PTPRD: variants seen among roughly 807,000 people sequenced by gnomAD.
PTPRD encodes the protein receptor-type tyrosine-protein phosphatase delta.
A neutral mutation model predicts 214.5 loss-of-function variants in PTPRD; 34 were observed. The ratio of observed to expected loss-of-function variants is 0.16; its 90% confidence interval spans 0.12 to 0.21. The LOEUF (loss-of-function observed/expected upper bound fraction) is 0.21, where lower values mean the gene tolerates loss of function less well. PTPRD is among the 10% of genes least tolerant of loss of function. The pLI, the probability that PTPRD is intolerant of heterozygous loss-of-function variation, is 1.00. For synonymous variants in PTPRD, 1,128 were observed against 845.7 expected (o/e 1.33, Z -5.79); for missense variants, 2,545 against 2,398.7 (o/e 1.06, Z -1.27).
intron 14 of PTPRD, among the ~76,000 whole-genome samples, chr9:8,551,373 G>A (rs892996330): frequency 1.1e-4 from 16 of 151,982 alleles, no homozygotes; most frequent in African/African-American, 3.1e-4. Flanking sequence ...ATCCTTATAT[G>A]CTTCATATCT....
At chr9:10,205,938 A>G (rs1242014855) in intron 3 of PTPRD, among the ~76,000 whole-genome samples, 1 of 152,078 alleles carries the variant, frequency 6.6e-6, no homozygotes, top group Non-Finnish European at 1.5e-5. Flanking sequence ...CTGGGAAAGC[A>G]AAGACGAATC....
chr9:8,799,139 A>G (rs983609139), intron 11 of PTPRD, among the ~76,000 whole-genome samples: 1 of 152,332 alleles, frequency 6.6e-6, no homozygotes. Flanking sequence ...GTCCACAGGT[A>G]TCTATAAGAA....
chr9:9,325,406 A>T (rs910805128), intron 9 of PTPRD, among the ~76,000 whole-genome samples: 3 of 152,134 alleles, frequency 2.0e-5, no homozygotes, highest in Non-Finnish European at 4.4e-5. Flanking sequence ...GAGGTCCTTC[A>T]TATCCCTTGC....
At chr9:9,518,855 C>T (rs190912828) in intron 8 of PTPRD, among the ~76,000 whole-genome samples, 20 of 152,058 alleles carry the variant, frequency 1.3e-4, no homozygotes, top group South Asian at 8.3e-4. Flanking sequence ...TTTTATATGA[C>T]GGCTAAAAGA....
At chr9:9,774,821 G>T (rs997917859) in intron 5 of PTPRD, among the ~76,000 whole-genome samples, 1 of 152,070 alleles carries the variant, frequency 6.6e-6, no homozygotes, top group African/African-American at 2.4e-5. Context: ...TGTAAACCTG[G>T]CAGTCTCCAG....
In PTPRD at chr9:8,998,424, G is replaced by A. The variant is rs748838289; in HGVS notation, c.-104+20273C>T. Among the ~76,000 whole-genome samples, 81 of 151,962 alleles carry A rather than the reference G, an allele frequency of 5.3e-4. 2 individuals are homozygous for A. Among genetic ancestry groups the A allele is most frequent in the Admixed American group, 2.6e-4 (4 of 15,218 alleles). On this transcript the variant is annotated intron_variant, in intron 11 of 45. Transcript: ENST00000381196. ...GAATAGAACAACAAAGCCTGGATGA[G>A]AGCACATCTGTTTAGCAGCATGACT...
At chr9:8,432,646 A>T (rs901142672) in intron 35 of PTPRD, among the ~76,000 whole-genome samples, 1 of 152,230 alleles carries the variant, frequency 6.6e-6, no homozygotes, top group African/African-American at 2.4e-5. Context: ...AAAGCCAGTA[A>T]AAATCTATTC....
intron 3 of PTPRD, among the ~76,000 whole-genome samples, chr9:10,149,915 G>C (rs1348806271): frequency 6.6e-6 from 1 of 151,906 alleles, no homozygotes; most frequent in Non-Finnish European, 1.5e-5. Context: ...ATTTTTAGTA[G>C]AGATGGGGTT....
intron 5 of PTPRD, among the ~76,000 whole-genome samples, chr9:9,827,763 C>A (rs1005111913): frequency 1.1e-4 from 16 of 152,102 alleles, no homozygotes; most frequent in Non-Finnish European, 2.2e-4. Flanking sequence ...ACTCATCTGA[C>A]AAAGGGCTAA....
intron 8 of PTPRD, among the ~76,000 whole-genome samples, chr9:9,526,001 T>G (rs1267219303): frequency 6.6e-6 from 1 of 152,286 alleles, no homozygotes; most frequent in South Asian, 2.1e-4. Flanking sequence ...GCATCTTAAG[T>G]AGTATAGTAA....
In PTPRD at chr9:9,846,628, G is replaced by T. The variant is rs75584895; in HGVS notation, c.-367-79777C>A. 5.7e-3 allele frequency among the ~76,000 whole-genome samples: 864 copies of T among 152,218 alleles called. 4 individuals carry two copies. Among genetic ancestry groups the T allele is most frequent in the African/African-American group, 0.019 (797 of 41,542 alleles). On this transcript the variant is annotated intron_variant, in intron 5 of 45. Transcript: ENST00000381196. Reference sequence around the variant, plus strand: ...GCAGCTAGGTGGACTATGTCAAGGAGTTCTGGTTTTGTATTGTGAAGACAG... The same window carrying T: ...GCAGCTAGGTGGACTATGTCAAGGATTTCTGGTTTTGTATTGTGAAGACAG...
At chr9:8,862,002 A>C (rs570408904) in intron 11 of PTPRD, 4 of 152,294 alleles carry the variant, frequency 2.6e-5, no homozygotes, top group African/African-American at 9.6e-5. Flanking sequence ...GTATTTTTCA[A>C]ATTTAAGTTA....
intron 3 of PTPRD, among the ~76,000 whole-genome samples, chr9:10,059,196 T>G (rs2097711706): frequency 6.6e-6 from 1 of 152,000 alleles, no homozygotes; most frequent in Non-Finnish European, 1.5e-5. Flanking sequence ...GTCTCAAGAG[T>G]GAGCCTGAAC....
chr9:9,813,542 C>G (rs901125340), intron 5 of PTPRD, among the ~76,000 whole-genome samples: 1 of 151,914 alleles, frequency 6.6e-6, no homozygotes, highest in South Asian at 2.1e-4. Context: ...TTCCAAGTAG[C>G]ATATAGCCTA....
At chr9:9,040,538 T>A (rs1430029485) in intron 10 of PTPRD, among the ~76,000 whole-genome samples, 1 of 152,036 alleles carries the variant, frequency 6.6e-6, no homozygotes, top group Non-Finnish European at 1.5e-5. Context: ...GAGAAATTGG[T>A]GCCACCACAG....
chr9:9,403,154 G>A (rs1198143309), intron 8 of PTPRD, among the ~76,000 whole-genome samples: 1 of 150,776 alleles, frequency 6.6e-6, no homozygotes, highest in South Asian at 2.1e-4. Context: ...AGCTGGGTGT[G>A]GTGGCACAAG....
chr9:8,900,051 A>T (rs1374865258), intron 11 of PTPRD, among the ~76,000 whole-genome samples: 1 of 151,904 alleles, frequency 6.6e-6, no homozygotes, highest in Non-Finnish European at 1.5e-5. Flanking sequence ...GTAGATGTGT[A>T]TCAAAACTGC....
At chr9:9,813,740 G>A (rs1306617970) in intron 5 of PTPRD, among the ~76,000 whole-genome samples, 1 of 151,824 alleles carries the variant, frequency 6.6e-6, no homozygotes, top group Non-Finnish European at 1.5e-5. Context: ...ATTTGAAAAG[G>A]GAATACTTCT....
At chr9:9,032,939 T>C (rs1197276436) in intron 10 of PTPRD, among the ~76,000 whole-genome samples, 1 of 152,098 alleles carries the variant, frequency 6.6e-6, no homozygotes, top group Non-Finnish European at 1.5e-5. Context: ...GAAACCTCTC[T>C]GTACGGGACT....
Sources: allele counts gnomAD v4.1 joint callset (sites outside exome capture counted in the v4.1 genomes callset), GRCh38; gene constraint gnomAD v4.1.1; transcripts MANE v1.5; gene names NCBI Gene and HGNC (gene_info 2026-07-23, HGNC 2026-07-21).